GPRIN3: variants seen among roughly 807,000 people sequenced by gnomAD.
The protein encoded by GPRIN3 is GPRIN family member 3.
In GPRIN3, 12 loss-of-function variants were observed where a neutral mutation model predicts 13.7. That is an observed-to-expected ratio of 0.87 (90% CI 0.56 to 1.42). The LOEUF is 1.42. Among genes scored for constraint, GPRIN3 ranks in the 40% most tolerant of loss-of-function variants. The probability of loss-of-function intolerance (pLI) is 0.00; values close to 1 mark genes in which losing one functional copy is unlikely to be tolerated. For synonymous variants in GPRIN3, 377 were observed against 372.7 expected, an observed-to-expected ratio of 1.01 and a Z score of -0.13; for missense variants, 1,009 against 958.7, an observed-to-expected ratio of 1.05 and a Z score of -0.69.
At chr4:89,290,628 T>C (rs2005104) in intron 1 of GPRIN3, among the ~76,000 whole-genome samples, 73,116 of 151,940 alleles carry the variant, frequency 0.48, 20,922 homozygotes, top group Non-Finnish European at 0.63. Context: ...ACGTCGATTA[T>C]AGGATTTACC....
intron 1 of GPRIN3, among the ~76,000 whole-genome samples, chr4:89,295,233 A>T (rs1015379353): frequency 1.3e-5 from 2 of 152,216 alleles, no homozygotes; most frequent in Non-Finnish European, 2.9e-5. Flanking sequence ...TATTTACAGC[A>T]ACACACATTT....
chr4:89,304,286 C>T (rs1030478442), intron 1 of GPRIN3, among the ~76,000 whole-genome samples: 6 of 152,192 alleles, frequency 3.9e-5, no homozygotes, highest in Non-Finnish European at 8.8e-5. Flanking sequence ...CTCTTGGCAT[C>T]TTGCAAACTG....
chr4:89,299,069 A>G (rs1214697906), intron 1 of GPRIN3, among the ~76,000 whole-genome samples: 1 of 152,186 alleles, frequency 6.6e-6, no homozygotes, highest in Non-Finnish European at 1.5e-5. Flanking sequence ...TTGTGTTTTA[A>G]ATGGCACTTT....
At position 89,250,180 on chromosome 4, in the gene GPRIN3, A is replaced by C; in HGVS notation, c.-70T>G. 1 of 1,537,348 alleles carries C rather than the reference A, an allele frequency of 6.5e-7. No individual in the cohort carries two copies. Among genetic ancestry groups the C allele is most frequent in the East Asian group, 2.3e-5 (1 of 44,200 alleles). On this transcript the variant is annotated 5_prime_UTR_variant, in exon 2 of 2. Transcript: ENST00000609438. ...TCCCACTGGTGGGGGAGGGGAGCGCAGTCAGAGCTCAGAGTGATGACACAG... is the reference window on the plus strand; with the variant it reads ...TCCCACTGGTGGGGGAGGGGAGCGCCGTCAGAGCTCAGAGTGATGACACAG...
At chr4:89,295,937 C>T (rs1318517045) in intron 1 of GPRIN3, among the ~76,000 whole-genome samples, 1 of 152,118 alleles carries the variant, frequency 6.6e-6, no homozygotes, top group Non-Finnish European at 1.5e-5. Flanking sequence ...TGTGAAATTA[C>T]AGGTTTGATG....
intron 1 of GPRIN3, among the ~76,000 whole-genome samples, chr4:89,282,308 G>T (rs191414853): frequency 6.6e-6 from 1 of 152,254 alleles, no homozygotes; most frequent in Admixed American, 6.5e-5. Flanking sequence ...AATGTCATAT[G>T]AGTATCTAAA....
intron 1 of GPRIN3, among the ~76,000 whole-genome samples, chr4:89,270,567 A>ATT (rs1723910015): frequency 2.1e-5 from 1 of 48,492 alleles, no homozygotes; most frequent in African/African-American, 1.1e-4. Flanking sequence ...TATATAATTT[A>ATT]TATATATATA....
intron 1 of GPRIN3, among the ~76,000 whole-genome samples, chr4:89,283,708 A>C (rs1203892272): frequency 6.6e-6 from 1 of 152,210 alleles, no homozygotes; most frequent in African/African-American, 2.4e-5. Context: ...TGCTGCCTTG[A>C]AAACTAAGCA....
intron 1 of GPRIN3, among the ~76,000 whole-genome samples, chr4:89,287,762 C>G (rs1724462321): frequency 6.6e-6 from 1 of 152,084 alleles, no homozygotes; most frequent in African/African-American, 2.4e-5. Flanking sequence ...AATGACTCCA[C>G]TAAATAAAAT....
chr4:89,283,492 T>A (rs1306774071), intron 1 of GPRIN3, among the ~76,000 whole-genome samples: 3 of 152,100 alleles, frequency 2.0e-5, no homozygotes, highest in Non-Finnish European at 4.4e-5. Flanking sequence ...ACACAGATCA[T>A]GGTACACACA....
chr4:89,268,566 T>C (rs1221308945), intron 1 of GPRIN3, among the ~76,000 whole-genome samples: 1 of 152,178 alleles, frequency 6.6e-6, no homozygotes, highest in East Asian at 1.9e-4. Flanking sequence ...TTCAAATAAA[T>C]GTATAGTCCA....
intron 1 of GPRIN3, among the ~76,000 whole-genome samples, chr4:89,294,407 T>C (rs1160678498): frequency 6.6e-6 from 1 of 152,188 alleles, no homozygotes; most frequent in Non-Finnish European, 1.5e-5. Flanking sequence ...GAAACCAATT[T>C]CAGTTAATCA....
In GPRIN3 at chr4:89,238,050, T is replaced by G. The variant is rs529739506; in HGVS notation, c.*9730A>C. On this transcript the variant is annotated 3_prime_UTR_variant, in exon 2 of 2. Transcript: ENST00000609438. ...TTTAATTTGACCAAGAATAAATGTT[T>G]AAGTATGCAAGAGTTAGAGAATGGC... 47 of 152,262 alleles carry G rather than the reference T, an allele frequency of 3.1e-4. No individual in the cohort carries two copies. The highest frequency in any genetic ancestry group is 1.1e-3 in the African/African-American group (44 of 41,528). 9.4% of individuals were successfully genotyped at this position (152,262 alleles called of 1,614,324 possible). A position where few individuals can be genotyped will look rare whatever the true frequency, so the allele number is the denominator to read the frequency against.
chr4:89,254,246 T>A (rs1248750181), intron 1 of GPRIN3, among the ~76,000 whole-genome samples: 3 of 151,984 alleles, frequency 2.0e-5, no homozygotes, highest in Non-Finnish European at 2.9e-5. Flanking sequence ...ACCTTTTTTT[T>A]AAGTTCAGAG....
chr4:89,270,643 G>A (rs757084838), intron 1 of GPRIN3, among the ~76,000 whole-genome samples: 1 of 138,678 alleles, frequency 7.2e-6, no homozygotes, highest in Non-Finnish European at 1.5e-5. Flanking sequence ...TGGCTCAAGC[G>A]ATCCTCCCAC....
Position 89,238,682 on chromosome 4 carries a change from A to G in GPRIN3, c.*9098T>C, listed in dbSNP as rs1021412934. Reference sequence around the variant, plus strand: ...CAGGAGGAATTGTTGATTCTATGGGAATTCTATTTTAATTAAAGAAAAAAG... The same window carrying G: ...CAGGAGGAATTGTTGATTCTATGGGGATTCTATTTTAATTAAAGAAAAAAG... On this transcript the variant is annotated 3_prime_UTR_variant, in exon 2 of 2. Coordinates refer to ENST00000609438, the MANE Select transcript of GPRIN3 (RefSeq NM_198281.3). 1 of 152,176 alleles carries G rather than the reference A, an allele frequency of 6.6e-6. No homozygotes were observed. Among genetic ancestry groups the G allele is most frequent in the Non-Finnish European group, 1.5e-5 (1 of 68,026 alleles). The allele number at this position is 152,176 out of a possible 1,614,324, so 9.4% of individuals were successfully genotyped here. A position where few individuals can be genotyped will look rare whatever the true frequency, so the allele number is the denominator to read the frequency against.
intron 1 of GPRIN3, among the ~76,000 whole-genome samples, chr4:89,273,895 C>A (rs1578096483): frequency 6.6e-6 from 1 of 152,132 alleles, no homozygotes; most frequent in Non-Finnish European, 1.5e-5. Context: ...ATATCCAATG[C>A]CAGTTTAATG....
At chr4:89,290,814 T>C (rs1724550663) in intron 1 of GPRIN3, among the ~76,000 whole-genome samples, 1 of 152,218 alleles carries the variant, frequency 6.6e-6, no homozygotes, top group Non-Finnish European at 1.5e-5. Context: ...TTCTCTCAGC[T>C]TCTGTGAGTA....
At chr4:89,271,434 GC>G (rs1037574998) in intron 1 of GPRIN3, among the ~76,000 whole-genome samples, 2 of 151,988 alleles carry the variant, frequency 1.3e-5, no homozygotes, top group African/African-American at 2.4e-5. Context: ...GGATGCTCAA[GC>G]CCCTTAAACA....
Sources: allele counts gnomAD v4.1 joint callset (sites outside exome capture counted in the v4.1 genomes callset), GRCh38; gene constraint gnomAD v4.1.1; transcripts MANE v1.5; gene names NCBI Gene and HGNC (gene_info 2026-07-23, HGNC 2026-07-21).